Variants in ELFN1 observed in about 807,000 individuals in gnomAD.
ELFN1 encodes protein ELFN1.
A neutral mutation model predicts 7.6 loss-of-function variants in ELFN1; 6 were observed. The observed-to-expected ratio is 0.79, with a 90% CI of 0.43 to 1.56. The LOEUF (loss-of-function observed/expected upper bound fraction) is 1.56. Among genes scored for constraint, ELFN1 ranks in the 40% most tolerant of loss-of-function variants. The pLI, the probability that ELFN1 is intolerant of heterozygous loss-of-function variation, is 0.01. For missense variants in ELFN1, 1,169 were observed against 1,232.2 expected (o/e 0.95, Z 0.77); for synonymous variants, 657 against 588.1 (o/e 1.12, Z -1.70).
intron 3 of ELFN1, among the ~76,000 whole-genome samples, chr7:1,710,876 T>C (rs1192480259): frequency 6.6e-6 from 1 of 152,176 alleles, no homozygotes; most frequent in Non-Finnish European, 1.5e-5. Flanking sequence ...AACCCAACTT[T>C]CTCATTTATA....
chr7:1,673,987 G>A lies in ELFN1; in HGVS notation c.-549+3633G>A, dbSNP rs560254237. The stretch of plus-strand genomic sequence containing the variant: ...CCTTCAGAGGGGAGGCAGAGAGGAC[G>A]ACTACTCCGCTCCCTGCTCCAGGCC... On this transcript the variant is annotated intron_variant, in intron 1 of 3. Coordinates refer to ENST00000424383, the MANE Select transcript of ELFN1 (RefSeq NM_001128636.4). The surrounding 1 kb of genome is among the most constrained non-coding windows in gnomAD (Gnocchi z 4.7). Among the ~76,000 whole-genome samples, 3 of 152,150 alleles carry A rather than the reference G, an allele frequency of 2.0e-5. No individual in the cohort carries two copies. The highest frequency in any genetic ancestry group is 4.1e-4 in the South Asian group (2 of 4,822).
At chr7:1,698,641 T>C (rs1229672046) in intron 2 of ELFN1, among the ~76,000 whole-genome samples, 5 of 152,204 alleles carry the variant, frequency 3.3e-5, no homozygotes, top group African/African-American at 4.8e-5. Flanking sequence ...TAAAGAAAAC[T>C]AGGAAAATGC....
rs990491858 is a variant in ELFN1 at position 1,698,152 on chromosome 7, T to C, written c.-456+10002T>C. Among the ~76,000 whole-genome samples the C allele has an allele frequency of 9.2e-5, 14 of 152,240 alleles. 1 individual carries two copies. Among genetic ancestry groups the C allele is most frequent in the Admixed American group, 8.5e-4 (13 of 15,284 alleles). On this transcript the variant is annotated intron_variant, in intron 2 of 3. Transcript: ENST00000424383. ...CATAGGATGCCTACATTTGAACATC[T>C]AGCCAAATTTTTAGCCGATTAGATT...
In ELFN1 at chr7:1,734,947, C is replaced by T. The variant is rs551189694; in HGVS notation, c.-293-9357C>T. ...TGGGCTTAAGCCGTCCTCCTGCCTC[C>T]GCCTCCCAAAGTGCTGGGATGACAG... On this transcript the variant is annotated intron_variant, in intron 3 of 3. Coordinates refer to ENST00000424383, the MANE Select transcript of ELFN1 (RefSeq NM_001128636.4). 6.6e-5 allele frequency among the ~76,000 whole-genome samples: 10 copies of T among 152,206 alleles called. No homozygotes were observed. The South Asian group carries it at 1.4e-3, about 22-fold the overall frequency.
intron 3 of ELFN1, among the ~76,000 whole-genome samples, chr7:1,736,258 A>G (rs1218227517): frequency 2.0e-5 from 3 of 152,034 alleles, no homozygotes; most frequent in Admixed American, 6.5e-5. Context: ...TAGCTTTCCA[A>G]CCATCTCCCC....
chr7:1,746,329 C>T lies in ELFN1; in HGVS notation c.1733C>T (p.Ser578Phe). 1 of 1,552,344 alleles carries T rather than the reference C, an allele frequency of 6.4e-7. No homozygotes were observed. Among genetic ancestry groups the T allele is most frequent in the Non-Finnish European group, 8.7e-7 (1 of 1,148,542 alleles). The change falls in exon 4 of 4, where the codon TCC (serine) becomes TTC (phenylalanine). Residue 578 changes from serine (S) to phenylalanine (F), a missense_variant. Physicochemically the swap from Ser to Phe is radical, Grantham distance 155. Transcript: ENST00000424383. Reference sequence around the variant, plus strand: ...AACAACTGCATCGACGCGCTCAAGTCCGAGTCCACCTCCTTCCAGGGCGTC... The same window carrying T: ...AACAACTGCATCGACGCGCTCAAGTTCGAGTCCACCTCCTTCCAGGGCGTC... ...IINNCIDALK[S>F]ESTSFQGVKS...
At position 1,746,498 on chromosome 7, in the gene ELFN1, G is replaced by T. The variant is rs1252791300; in HGVS notation, c.1902G>T (p.Gly634=). The change falls in exon 4 of 4, where the codon GGG becomes GGT. Residue 634 remains glycine, a synonymous_variant. Transcript: ENST00000424383. ...GGCACCACAGCGTGGAGGCCGCCGG[G>T]CCCCCTCGTGCCAGCACCTCGTCCA... The part of the protein sequence containing the change: ...LQRHHSVEAA[G]PPRASTSSSG... 1.3e-6 allele frequency: 2 copies of T among 1,490,516 alleles called. No homozygotes were observed. Among genetic ancestry groups the T allele is most frequent in the Admixed American group, 2.3e-5 (1 of 43,284 alleles). 92.3% of individuals were successfully genotyped at this position (1,490,516 alleles called of 1,614,324 possible).
In ELFN1 at chr7:1,740,055, C is replaced by T. The variant is rs147268162; in HGVS notation, c.-293-4249C>T. Among the ~76,000 whole-genome samples the T allele has an allele frequency of 1.3e-5, 2 of 152,274 alleles. No homozygotes were observed. The highest frequency in any genetic ancestry group is 1.5e-5 in the Non-Finnish European group (1 of 68,004). The stretch of plus-strand genomic sequence containing the variant: ...GACCCGTGGCCACCCTGTTGGACAG[C>T]GCAAGTACAGAACCTCTGTGCATCC... On this transcript the variant is annotated intron_variant, in intron 3 of 3. Transcript: ENST00000424383. The surrounding 1 kb of genome is among the most constrained non-coding windows in gnomAD (Gnocchi z 5.0).
Position 1,746,945 on chromosome 7 carries a change from C to T in ELFN1, c.2349C>T (p.Ser783=). The T allele has an allele frequency of 1.3e-6, 2 of 1,550,252 alleles. No homozygotes were observed. Among genetic ancestry groups the T allele is most frequent in the Non-Finnish European group, 8.7e-7 (1 of 1,147,030 alleles). The part of the protein sequence containing the change: ...SQSIWERFRL[S]RRRHKEEEEF... ...GCATCTGGGAGCGCTTCAGACTGAGCCGCCGGCGGCACAAGGAGGAAGAGG... is the reference window on the plus strand; with the variant it reads ...GCATCTGGGAGCGCTTCAGACTGAGTCGCCGGCGGCACAAGGAGGAAGAGG... The change falls in exon 4 of 4, where the codon AGC becomes AGT. Residue 783 remains serine, a synonymous_variant. Coordinates refer to ENST00000424383, the MANE Select transcript of ELFN1 (RefSeq NM_001128636.4).
At position 1,745,490 on chromosome 7, in the gene ELFN1, C is replaced by T. The variant is rs778179539; in HGVS notation, c.894C>T (p.Asp298=). 24 of 1,543,254 alleles carry T rather than the reference C, an allele frequency of 1.6e-5. No homozygotes were observed. The highest frequency in any genetic ancestry group is 1.7e-4 in the Middle Eastern group (1 of 6,012). ...CCGATGATGAGTGCTTCTCCGGGGA[C>T]GGCACCACGCCACTGGTGGCCCTGC... ...PCADDECFSG[D]GTTPLVALPT... The change falls in exon 4 of 4, where the codon GAC becomes GAT. Residue 298 remains aspartate (D), a synonymous_variant. Coordinates refer to ENST00000424383, the MANE Select transcript of ELFN1 (RefSeq NM_001128636.4).
In ELFN1 at chr7:1,677,308, C is replaced by A. The variant is rs1778889964; in HGVS notation, c.-549+6954C>A. Among the ~76,000 whole-genome samples, 4 of 152,154 alleles carry A rather than the reference C, an allele frequency of 2.6e-5. No homozygotes were observed. The South Asian group carries it at 8.3e-4, about 32-fold the overall frequency. On this transcript the variant is annotated intron_variant, in intron 1 of 3. Transcript: ENST00000424383. ...ACAGTGGGGTCATCTTGGCACAGAA[C>A]CCCTCAGGGTGCCCACAGAAGTGGG...
rs907017048 is a variant in ELFN1, at chr7:1,678,128, G to T, written c.-549+7774G>T. ...GGGACCGAGGGGACTCAGCTGAATGGGCAGCTCCCAGCCCTGGGCGCCTGT... is the reference window on the plus strand; with the variant it reads ...GGGACCGAGGGGACTCAGCTGAATGTGCAGCTCCCAGCCCTGGGCGCCTGT... On this transcript the variant is annotated intron_variant, in intron 1 of 3. Transcript: ENST00000424383. Among the ~76,000 whole-genome samples the T allele has an allele frequency of 7.9e-5, 12 of 152,276 alleles. No homozygotes were observed. In the East Asian group the frequency reaches 1.5e-3, roughly 20 times the overall value.
At chr7:1,688,388 A>G (rs1779097312) in intron 2 of ELFN1, among the ~76,000 whole-genome samples, 1 of 152,126 alleles carries the variant, frequency 6.6e-6, no homozygotes, top group South Asian at 2.1e-4. Flanking sequence ...GTTAGCTTAT[A>G]AAGAAATCTT....
At chr7:1,689,237 C>T (rs1779111734) in intron 2 of ELFN1, among the ~76,000 whole-genome samples, 1 of 152,234 alleles carries the variant, frequency 6.6e-6, no homozygotes, top group African/African-American at 2.4e-5. Flanking sequence ...ACTCAGCATA[C>T]TGTATGTAGT....
chr7:1,694,350 G>GCCGGC (rs1779252811), intron 2 of ELFN1: 1 of 161,048 alleles, frequency 6.2e-6, no homozygotes, highest in African/African-American at 2.4e-5. Context: ...CGAGACCCAG[G>GCCGGC]CCGGCCCAGC....
chr7:1,730,819 A>C (rs540995576), intron 3 of ELFN1, among the ~76,000 whole-genome samples: 5 of 152,250 alleles, frequency 3.3e-5, no homozygotes, highest in South Asian at 2.1e-4. Flanking sequence ...CATAGCAATA[A>C]GACATGAAAC....
chr7:1,685,734 T>C (rs1434603751), intron 1 of ELFN1, among the ~76,000 whole-genome samples: 2 of 150,656 alleles, frequency 1.3e-5, no homozygotes, highest in African/African-American at 4.8e-5. Context: ...TAGTTGTCTT[T>C]ATTTCTTTGA....
At chr7:1,669,907 G>GGGGA (rs1211411154), upstream of ELFN1, among the ~76,000 whole-genome samples, 2 of 129,342 alleles carry the variant, frequency 1.5e-5, no homozygotes, top group Admixed American at 1.6e-4. Flanking sequence ...AGATGTGGGC[G>GGGGA]GGGAGGGCCG....
chr7:1,673,964 T>C lies in ELFN1; in HGVS notation c.-549+3610T>C, dbSNP rs1778817614. Among the ~76,000 whole-genome samples, 1 of 152,070 alleles carries C rather than the reference T, an allele frequency of 6.6e-6. No homozygotes were observed. Among genetic ancestry groups the C allele is most frequent in the South Asian group, 2.1e-4 (1 of 4,826 alleles). On this transcript the variant is annotated intron_variant, in intron 1 of 3. Transcript: ENST00000424383. This position sits in a 1 kb window ranked among gnomAD's most constrained non-coding sequence, Gnocchi z 4.7. ...GGGGTCCAGCAGGGCTTGAGGGACC[T>C]TCAGAGGGGAGGCAGAGAGGACGAC...
Sources: allele counts gnomAD v4.1 joint callset (sites outside exome capture counted in the v4.1 genomes callset), GRCh38; gene constraint gnomAD v4.1.1; non-coding constraint Gnocchi (gnomAD v3.1); transcripts MANE v1.5; gene names NCBI Gene and HGNC (gene_info 2026-07-23, HGNC 2026-07-21).